RARB: variants seen among roughly 807,000 people sequenced by gnomAD.
RARB encodes the protein retinoic acid receptor beta, also known as HBV-activated protein.
In RARB, 17 loss-of-function variants were observed where a neutral mutation model predicts 51.9. The ratio of observed to expected loss-of-function variants is 0.33; its 90% CI spans 0.22 to 0.49. The LOEUF is 0.49. Among genes scored for constraint, RARB ranks in the 20% least tolerant of loss-of-function variants. The probability of loss-of-function intolerance (pLI) is 0.99; values close to 1 mark genes in which losing one functional copy is unlikely to be tolerated. For missense variants in RARB, 369 were observed against 550.8 expected (o/e 0.67, Z 3.30); for synonymous variants, 215 against 195.4 (o/e 1.10, Z -0.84).
In RARB at chr3:24,841,034, A is replaced by G. The variant is rs901172531; in HGVS notation, c.-459+11631A>G. Among the ~76,000 whole-genome samples the G allele has an allele frequency of 2.6e-5, 4 of 152,316 alleles. No individual in the cohort carries two copies. In the East Asian group the frequency reaches 5.8e-4, roughly 22 times the overall value. On this transcript the variant is annotated intron_variant, in intron 1 of 11. Coordinates refer to the RARB transcript ENST00000383772. ...AGATCAATGGGGCAGTTGTGTGGAG[A>G]GAGAGTACAGAAAGACATCCTAATT...
At chr3:25,033,412 A>G (rs1197533708) in intron 2 of RARB, among the ~76,000 whole-genome samples, 7 of 152,160 alleles carry the variant, frequency 4.6e-5, no homozygotes, top group Admixed American at 4.6e-4. Context: ...AATGTGGGAG[A>G]GATGGTGAAT....
At chr3:25,325,779 GT>G (rs1291289282) in intron 5 of RARB, among the ~76,000 whole-genome samples, 3 of 148,658 alleles carry the variant, frequency 2.0e-5, no homozygotes, top group African/African-American at 5.0e-5. Context: ...GGTACCTTCA[GT>G]TTGGGGGTTG....
At chr3:24,975,299 T>C (rs1178696328) in intron 2 of RARB, among the ~76,000 whole-genome samples, 1 of 152,180 alleles carries the variant, frequency 6.6e-6, no homozygotes, top group African/African-American at 2.4e-5. Context: ...ATTTCTAAAA[T>C]TAACACTACT....
chr3:25,095,689 A>G (rs1575158223), intron 3 of RARB, among the ~76,000 whole-genome samples: 1 of 152,164 alleles, frequency 6.6e-6, no homozygotes, highest in East Asian at 1.9e-4. Flanking sequence ...AAGCTGAGGG[A>G]GGATTTTGGA....
intron 2 of RARB, among the ~76,000 whole-genome samples, chr3:25,496,129 T>C (rs1022741798): frequency 2.6e-5 from 4 of 152,246 alleles, no homozygotes; most frequent in Non-Finnish European, 5.9e-5. Flanking sequence ...ACTATGGCTC[T>C]GGTTATAGCT....
intron 5 of RARB, among the ~76,000 whole-genome samples, chr3:25,210,253 T>C (rs1283891901): frequency 1.3e-5 from 2 of 152,168 alleles, no homozygotes; most frequent in African/African-American, 4.8e-5. Flanking sequence ...TCTCTTCATA[T>C]CATTTCTCCT....
At chr3:25,221,408 C>A (rs1158240867) in intron 5 of RARB, among the ~76,000 whole-genome samples, 1 of 152,094 alleles carries the variant, frequency 6.6e-6, no homozygotes, top group Non-Finnish European at 1.5e-5. Flanking sequence ...TTAAAGAAAC[C>A]ACTGTGTCAG....
rs1701842497 is a variant in RARB, at chr3:25,596,570, G to A, written c.1301G>A (p.Ser434Asn). Residue 434 changes from serine (S) to asparagine (N), a missense_variant, in exon 8 of 8, where the codon AGC becomes AAC. By Grantham distance (46) the Ser-to-Asn change is conservative. Coordinates refer to ENST00000330688, the MANE Select transcript of RARB (RefSeq NM_000965.5). ...TAEHSPSISP[S>N]SVENSGVSQS... Reference sequence around the variant, plus strand: ...GAGCACAGTCCTAGCATCTCACCCAGCTCAGTGGAAAACAGTGGGGTCAGT... The same window carrying A: ...GAGCACAGTCCTAGCATCTCACCCAACTCAGTGGAAAACAGTGGGGTCAGT... The A allele has an allele frequency of 1.2e-6, 2 of 1,612,726 alleles. No homozygotes were observed. Among genetic ancestry groups the A allele is most frequent in the South Asian group, 2.2e-5 (2 of 90,918 alleles).
At chr3:25,538,491 G>A (rs1330026334) in intron 3 of RARB, among the ~76,000 whole-genome samples, 2 of 152,162 alleles carry the variant, frequency 1.3e-5, no homozygotes, top group Non-Finnish European at 2.9e-5. Flanking sequence ...ACAGTTTAGA[G>A]TAGTGCTATT....
At chr3:25,061,036 A>G (rs1175414729) in intron 3 of RARB, among the ~76,000 whole-genome samples, 1 of 151,808 alleles carries the variant, frequency 6.6e-6, no homozygotes, top group Non-Finnish European at 1.5e-5. Context: ...CATGTTTCAA[A>G]CTGTTGGGAA....
At chr3:25,549,676 T>C (rs1048272305) in intron 3 of RARB, among the ~76,000 whole-genome samples, 79 of 152,124 alleles carry the variant, frequency 5.2e-4, no homozygotes, top group Non-Finnish European at 1.2e-4. Context: ...CTGGACATTA[T>C]CCAAAGAATG....
intron 4 of RARB, among the ~76,000 whole-genome samples, chr3:25,148,596 G>A (rs149083076): frequency 5.9e-5 from 9 of 152,144 alleles, no homozygotes; most frequent in Admixed American, 6.5e-5. Flanking sequence ...TTATGGAAGC[G>A]TGTGGTGCAG....
At chr3:25,460,756 T>C (rs968131517) in intron 1 of RARB, among the ~76,000 whole-genome samples, 2 of 152,150 alleles carry the variant, frequency 1.3e-5, no homozygotes, top group African/African-American at 4.8e-5. Flanking sequence ...TTACTTTTGG[T>C]TAAGTGAGCA....
intron 5 of RARB, among the ~76,000 whole-genome samples, chr3:25,334,272 C>G (rs1704993871): frequency 6.6e-6 from 1 of 152,128 alleles, no homozygotes; most frequent in African/African-American, 2.4e-5. Flanking sequence ...AGACTTGGAA[C>G]CAACCCACAT....
intron 4 of RARB, among the ~76,000 whole-genome samples, chr3:25,136,127 A>G (rs537026466): frequency 2.0e-4 from 30 of 152,062 alleles, no homozygotes; most frequent in Non-Finnish European, 4.1e-4. Flanking sequence ...ACCTCAGAAT[A>G]TAAAGGATTT....
chr3:25,095,537 A>G (rs931683349), intron 3 of RARB, among the ~76,000 whole-genome samples: 1 of 152,214 alleles, frequency 6.6e-6, no homozygotes, highest in Non-Finnish European at 1.5e-5. Context: ...GATGTGGAAC[A>G]TGGTGACCAG....
intron 2 of RARB, among the ~76,000 whole-genome samples, chr3:24,998,878 C>A (rs1226361228): frequency 6.6e-6 from 1 of 152,040 alleles, no homozygotes. Context: ...TTTATACATA[C>A]CTACTACATA....
intron 5 of RARB, among the ~76,000 whole-genome samples, chr3:25,422,488 A>G (rs967145019): frequency 2.8e-4 from 43 of 152,196 alleles, no homozygotes; most frequent in African/African-American, 8.9e-4. Context: ...TGTTGCCATC[A>G]TATATGGGAC....
intron 2 of RARB, among the ~76,000 whole-genome samples, chr3:25,021,555 C>T (rs1330348786): frequency 3.3e-5 from 5 of 151,868 alleles, no homozygotes; most frequent in African/African-American, 1.2e-4. Context: ...GGTTTGAAGA[C>T]TTAGTAATGG....
Sources: allele counts gnomAD v4.1 joint callset (sites outside exome capture counted in the v4.1 genomes callset), GRCh38; gene constraint gnomAD v4.1.1; transcripts MANE v1.5; gene names NCBI Gene and HGNC (gene_info 2026-07-23, HGNC 2026-07-21).